Variants in CDH5 observed in about 807,000 individuals in gnomAD.
CDH5 encodes cadherin-5.
In CDH5, 28 loss-of-function variants were observed where a neutral mutation model predicts 62.0. That is an observed-to-expected ratio of 0.45 (90% confidence interval 0.33 to 0.62). The LOEUF (loss-of-function observed/expected upper bound fraction) is 0.62. Among genes scored for constraint, CDH5 ranks in the 20% least tolerant of loss-of-function variants. The pLI, the probability that CDH5 is intolerant of heterozygous loss-of-function variation, is 0.02. For missense variants in CDH5, 940 were observed against 1,065.1 expected, an observed-to-expected ratio of 0.88 and a Z score of 1.63; for synonymous variants, 464 against 445.8, an observed-to-expected ratio of 1.04 and a Z score of -0.52.
chr16:66,379,459 C>A lies in CDH5; in HGVS notation c.122C>A (p.Thr41Asn). 6.2e-7 allele frequency: 1 copy of A among 1,614,202 alleles called. No homozygotes were observed. ...CGGGACACCCACAGCCTGCTGCCCA[C>A]CCACCGGCGCCAAAAGAGAGATTGG... Reference protein sequence around the residue: ...AQRDTHSLLPTHRRQKRDWIW... With the variant: ...AQRDTHSLLPNHRRQKRDWIW... The change falls in exon 2 of 12, where the codon ACC becomes AAC. Residue 41 changes from threonine (T) to asparagine (N), a missense_variant. By Grantham distance (65) the Thr-to-Asn change is moderately conservative (BLOSUM62 0). Coordinates refer to ENST00000341529, the MANE Select transcript of CDH5 (RefSeq NM_001795.5).
intron 11 of CDH5, 89 bp downstream of exon 11, chr16:66,401,105 G>C: frequency 6.4e-7 from 1 of 1,556,134 alleles, no homozygotes; most frequent in Non-Finnish European, 8.8e-7. Flanking sequence ...AGGAAAAGTA[G>C]AGGCCAGAGG....
At chr16:66,376,887 C>A (rs1039056867) in intron 1 of CDH5, among the ~76,000 whole-genome samples, 1 of 152,162 alleles carries the variant, frequency 6.6e-6, no homozygotes, top group African/African-American at 2.4e-5. Context: ...CTGCGGCACC[C>A]CCATTGCCTA....
At position 66,392,190 on chromosome 16, in the gene CDH5, C is replaced by T; in HGVS notation, c.1024C>T (p.Pro342Ser). 6.2e-7 allele frequency: 1 copy of T among 1,614,098 alleles called. No individual in the cohort carries two copies. Among genetic ancestry groups the T allele is most frequent in the Non-Finnish European group, 8.5e-7 (1 of 1,180,010 alleles). Residue 342 changes from proline to serine, a missense_variant, in exon 7 of 12, where the codon CCC becomes TCC. Transcript: ENST00000341529. ...CAGCTTCATCGTCGAGGCCACAGACCCCACCATCGACCTCCGATACATGAG... is the reference window on the plus strand; with the variant it reads ...CAGCTTCATCGTCGAGGCCACAGACTCCACCATCGACCTCCGATACATGAG... ...QYSFIVEATD[P>S]TIDLRYMSPP... is the part of the protein sequence containing the mutation.
Position 66,397,993 on chromosome 16 carries a change from G to C in CDH5, c.1372G>C (p.Gly458Arg), listed in dbSNP as rs1348736660. 18 of 1,614,188 alleles carry C rather than the reference G, an allele frequency of 1.1e-5. No individual in the cohort carries two copies. Among genetic ancestry groups the C allele is most frequent in the Non-Finnish European group, 1.5e-5 (18 of 1,180,026 alleles). Residue 458 changes from glycine (G) to arginine (R), a missense_variant, in exon 9 of 12, where the codon GGA becomes CGA. Coordinates refer to ENST00000341529, the MANE Select transcript of CDH5 (RefSeq NM_001795.5). ...CTTCTCCCCTGCAGGAACCCCCACA[G>C]GAAAAGAATCCATTGTGCAAGTCCA... The part of the protein sequence containing the change: ...KELDSTGTPT[G>R]KESIVQVHIE...
At chr16:66,367,091 C>T (rs923676089) in intron 1 of CDH5, among the ~76,000 whole-genome samples, 15 of 152,260 alleles carry the variant, frequency 9.9e-5, no homozygotes, top group African/African-American at 3.6e-4. Context: ...GCCCCAGTTG[C>T]CCAGCATGCC....
At chr16:66,395,924 AGTGC>A in intron 7 of CDH5, 131 bp from the exon 8 acceptor site, 1 of 795,848 alleles carries the variant, frequency 1.3e-6, no homozygotes, top group Non-Finnish European at 2.0e-6. Flanking sequence ...TGAGTGGCAG[AGTGC>A]AATGAGCAGT....
In CDH5 at chr16:66,400,921, A is replaced by G; in HGVS notation, c.1742A>G (p.Gln581Arg). Residue 581 changes from glutamine (Q) to arginine (R), a missense_variant, in exon 11 of 12, where the codon CAG (glutamine) becomes CGG (arginine). By Grantham distance (43) the Gln-to-Arg change is conservative. Coordinates refer to ENST00000341529, the MANE Select transcript of CDH5 (RefSeq NM_001795.5). ...GTGGCCGTGTGCAAGTGCAACGAGCAGGGCGAGTTCACCTTCTGCGAGGAT... is the reference window on the plus strand; with the variant it reads ...GTGGCCGTGTGCAAGTGCAACGAGCGGGGCGAGTTCACCTTCTGCGAGGAT... ...LTVAVCKCNE[Q>R]GEFTFCEDMA... The G allele has an allele frequency of 6.2e-7, 1 of 1,614,222 alleles. No individual in the cohort carries two copies. The highest frequency in any genetic ancestry group is 8.5e-7 in the Non-Finnish European group (1 of 1,180,054).
At chr16:66,373,580 T>C (rs1016609460) in intron 1 of CDH5, among the ~76,000 whole-genome samples, 1 of 152,052 alleles carries the variant, frequency 6.6e-6, no homozygotes. Context: ...CATGCCAGGC[T>C]AATTTTTGTA....
chr16:66,403,188 G>T lies in CDH5; in HGVS notation c.*19G>T. On this transcript the variant is annotated 3_prime_UTR_variant, in exon 12 of 12. Transcript: ENST00000341529. The surrounding 1 kb of genome is among the most constrained non-coding windows in gnomAD (Gnocchi z 4.3). ...GTATTAGGCGGCCGAGGTCACTCTG[G>T]GCCTGGGGACCCAAACCCCCTGCAG... The T allele has an allele frequency of 6.3e-7, 1 of 1,592,488 alleles. No homozygotes were observed. The highest frequency in any genetic ancestry group is 8.5e-7 in the Non-Finnish European group (1 of 1,170,918).
chr16:66,368,920 A>G (rs771261576), intron 1 of CDH5, among the ~76,000 whole-genome samples: 1 of 152,146 alleles, frequency 6.6e-6, no homozygotes, highest in Non-Finnish European at 1.5e-5. Flanking sequence ...CAGGAGCTTC[A>G]CCTCTGGCTG....
intron 2 of CDH5, among the ~76,000 whole-genome samples, chr16:66,380,470 G>C (rs2142317489): frequency 6.6e-6 from 1 of 150,550 alleles, no homozygotes; most frequent in South Asian, 2.1e-4. Flanking sequence ...GGGATGGGTA[G>C]TGGTTGTGAT....
chr16:66,374,886 G>A (rs1365689426), intron 1 of CDH5, among the ~76,000 whole-genome samples: 6 of 152,066 alleles, frequency 3.9e-5, no homozygotes, highest in Admixed American at 3.3e-4. Context: ...CCATGTTGGT[G>A]TGCTGCACCC....
chr16:66,400,177 A>G (rs1361776088), intron 10 of CDH5, among the ~76,000 whole-genome samples: 31 of 152,206 alleles, frequency 2.0e-4, no homozygotes, highest in Admixed American at 2.0e-3. Context: ...TGGATCTGGG[A>G]AGGTGGGCGG....
rs1476986695 is a variant in CDH5, at chr16:66,400,816, A to T, written c.1637A>T (p.Glu546Val). Reference protein sequence around the residue: ...ITVKYGQFDREHTKVHFLPVV... With the variant: ...ITVKYGQFDRVHTKVHFLPVV... Reference sequence around the variant, plus strand: ...GTCAAGTATGGGCAGTTTGACCGGGAGCATACCAAGGTCCACTTCCTACCC... The same window carrying T: ...GTCAAGTATGGGCAGTTTGACCGGGTGCATACCAAGGTCCACTTCCTACCC... The change falls in exon 11 of 12, where the codon GAG becomes GTG. Residue 546 changes from glutamate (E) to valine (V), a missense_variant. Coordinates refer to ENST00000341529, the MANE Select transcript of CDH5 (RefSeq NM_001795.5). The T allele has an allele frequency of 6.2e-7, 1 of 1,614,216 alleles. No individual in the cohort carries two copies. Among genetic ancestry groups the T allele is most frequent in the Admixed American group, 1.7e-5 (1 of 60,026 alleles).
chr16:66,370,268 G>T (rs190056044), intron 1 of CDH5, among the ~76,000 whole-genome samples: 336 of 152,182 alleles, frequency 2.2e-3, no homozygotes, highest in Admixed American at 3.5e-3. Flanking sequence ...CCAAAGTGCT[G>T]GGATTTACAG....
intron 7 of CDH5, among the ~76,000 whole-genome samples, chr16:66,395,018 CTTTTTTTTTTTTTTTTTTTTTTTTTTTT>C (rs1174519256): frequency 3.6e-4 from 5 of 13,804 alleles, no homozygotes; most frequent in African/African-American, 6.6e-4. Context: ...CCAGGCTAAT[CTTTTTTTTTTTTTTTTTTTTTTTTTTTT>C]TTTTTTTTTT....
intron 1 of CDH5, among the ~76,000 whole-genome samples, chr16:66,378,938 G>A (rs975982368): frequency 1.3e-5 from 2 of 152,196 alleles, no homozygotes; most frequent in South Asian, 2.1e-4. Flanking sequence ...ATATATGGGC[G>A]ATCGGTCAGA....
At chr16:66,385,342 A>G (rs1734914105) in intron 2 of CDH5, among the ~76,000 whole-genome samples, 1 of 152,206 alleles carries the variant, frequency 6.6e-6, no homozygotes, top group Non-Finnish European at 1.5e-5. Context: ...TATTTTCCAA[A>G]TCTTACTCCT....
rs989070827 is a variant in CDH5 at position 66,403,009 on chromosome 16, G to A, written c.2195G>A (p.Gly732Asp). 1 of 1,613,220 alleles carries A rather than the reference G, an allele frequency of 6.2e-7. No homozygotes were observed. Among genetic ancestry groups the A allele is most frequent in the Non-Finnish European group, 8.5e-7 (1 of 1,179,812 alleles). The change falls in exon 12 of 12, where the codon GGC (glycine) becomes GAC (aspartate). Residue 732 changes from glycine (G) to aspartate (D), a missense_variant. Coordinates refer to ENST00000341529, the MANE Select transcript of CDH5 (RefSeq NM_001795.5). The surrounding 1 kb of genome is among the most constrained non-coding windows in gnomAD (Gnocchi z 4.3). ...CCCTACGACACGCTGCACATCTACGGCTACGAGGGCTCCGAGTCCATAGCC... is the reference window on the plus strand; with the variant it reads ...CCCTACGACACGCTGCACATCTACGACTACGAGGGCTCCGAGTCCATAGCC... ...GPPYDTLHIY[G>D]YEGSESIAES... is the part of the protein sequence containing the mutation.
Sources: allele counts gnomAD v4.1 joint callset (sites outside exome capture counted in the v4.1 genomes callset), GRCh38; gene constraint gnomAD v4.1.1; non-coding constraint Gnocchi (gnomAD v3.1); transcripts MANE v1.5; gene names NCBI Gene and HGNC (gene_info 2026-07-23, HGNC 2026-07-21).